LARGE1: variants seen among roughly 807,000 people sequenced by gnomAD.
The protein encoded by LARGE1 is xylosyl- and glucuronyltransferase LARGE1.
Under a neutral mutation model 87.6 loss-of-function variants are expected in LARGE1, and 43 were observed. The observed-to-expected ratio is 0.49, with a 90% confidence interval of 0.38 to 0.63. The LOEUF (loss-of-function observed/expected upper bound fraction) is 0.63, where lower values mean the gene tolerates loss of function less well. LARGE1 is among the 30% of genes least tolerant of loss of function. The pLI is 0.00. For missense variants in LARGE1, 802 were observed against 1,000.2 expected, an observed-to-expected ratio of 0.80 and a Z score of 2.67; for synonymous variants, 434 against 394.6, an observed-to-expected ratio of 1.10 and a Z score of -1.18.
intron 6 of LARGE1, among the ~76,000 whole-genome samples, chr22:33,544,169 G>A (rs746663531): frequency 6.6e-6 from 1 of 152,128 alleles, no homozygotes. Flanking sequence ...TTTGAGCCTG[G>A]TTTCCTCTGG....
At chr22:33,470,508 C>T (rs2068783588) in intron 6 of LARGE1, among the ~76,000 whole-genome samples, 2 of 152,134 alleles carry the variant, frequency 1.3e-5, no homozygotes, top group African/African-American at 4.8e-5. Context: ...GAATCTATTC[C>T]TTTTGCTCCA....
rs914184283 is a variant in LARGE1 at position 33,186,052 on chromosome 22, C to T, written c.1731-19220G>A. 6.6e-5 allele frequency among the ~76,000 whole-genome samples: 10 copies of T among 152,002 alleles called. No individual in the cohort carries two copies. In the East Asian group the frequency reaches 1.9e-3, roughly 29 times the overall value. Reference sequence around the variant, plus strand: ...TTAAAAAGTTCTTTATAATAAAAACCTACAAAAAAATTCTAGGCATAGTTT... The same window carrying T: ...TTAAAAAGTTCTTTATAATAAAAACTTACAAAAAAATTCTAGGCATAGTTT... On this transcript the variant is annotated intron_variant, in intron 11 of 11. Coordinates refer to the LARGE1 transcript ENST00000608642.
intron 9 of LARGE1, among the ~76,000 whole-genome samples, chr22:33,356,781 G>GA (rs2146831014): frequency 6.6e-6 from 1 of 151,632 alleles, no homozygotes; most frequent in Non-Finnish European, 1.5e-5. Context: ...AAAAGAAAAA[G>GA]AAAAAAAGAA....
intron 1 of LARGE1, among the ~76,000 whole-genome samples, chr22:33,790,455 G>C (rs1449061763): frequency 3.1e-4 from 47 of 152,108 alleles, no homozygotes; most frequent in Admixed American, 3.0e-3. Flanking sequence ...CAAGGATACA[G>C]CAGGAATTTA....
chr22:33,721,933 C>T (rs2083110552), intron 2 of LARGE1, among the ~76,000 whole-genome samples: 1 of 152,118 alleles, frequency 6.6e-6, no homozygotes, highest in Non-Finnish European at 1.5e-5. Context: ...GCAGTCACAG[C>T]CACAATGGAG....
chr22:33,115,774 A>G, the LARGE1 span, among the ~76,000 whole-genome samples: 22 of 143,386 alleles, frequency 1.5e-4, no homozygotes, highest in East Asian at 4.3e-3. Flanking sequence ...CCAACATTGC[A>G]CCACTGCACT....
intron 7 of LARGE1, among the ~76,000 whole-genome samples, chr22:33,423,463 G>T (rs1269973761): frequency 6.6e-6 from 1 of 151,658 alleles, no homozygotes; most frequent in Non-Finnish European, 1.5e-5. Flanking sequence ...GATCACTTGA[G>T]GTCAGGAGTA....
At chr22:33,299,752 T>C (rs572192549) in intron 12 of LARGE1, among the ~76,000 whole-genome samples, 22 of 152,276 alleles carry the variant, frequency 1.4e-4, no homozygotes, top group African/African-American at 5.1e-4. Flanking sequence ...ACACACTTGA[T>C]TAGTGTTGTG....
At chr22:33,884,230 G>C (rs1490791318) in intron 1 of LARGE1, among the ~76,000 whole-genome samples, 3 of 152,200 alleles carry the variant, frequency 2.0e-5, no homozygotes, top group Admixed American at 6.5e-5. Flanking sequence ...CTTCCTCTGT[G>C]TACGAATCAT....
chr22:33,816,663 C>CATGG (rs1390587701), intron 1 of LARGE1, among the ~76,000 whole-genome samples: 1 of 71,206 alleles, frequency 1.4e-5, no homozygotes, highest in African/African-American at 4.3e-5. Context: ...CAGACGGATG[C>CATGG]ACGGATGGAT....
intron 3 of LARGE1, among the ~76,000 whole-genome samples, chr22:33,632,227 A>G (rs774394936): frequency 5.9e-5 from 9 of 152,112 alleles, no homozygotes; most frequent in South Asian, 4.1e-4. Context: ...GGTTCAAGCG[A>G]TTCTCTTGCC....
rs765959767 is a variant in LARGE1 at position 33,496,204 on chromosome 22, G to C, written c.788-63939C>G. Reference sequence around the variant, plus strand: ...TCTTCTGCCTGCTTTTATTCCGGCCGTGCTGGCAGCTGATTAGATTGTCCC... The same window carrying C: ...TCTTCTGCCTGCTTTTATTCCGGCCCTGCTGGCAGCTGATTAGATTGTCCC... On this transcript the variant is annotated intron_variant, in intron 6 of 14. Transcript: ENST00000397394. Among the ~76,000 whole-genome samples the C allele has an allele frequency of 7.2e-5, 11 of 152,170 alleles. 1 individual carries two copies. In the South Asian group the frequency reaches 1.9e-3, roughly 26 times the overall value.
intron 6 of LARGE1, among the ~76,000 whole-genome samples, chr22:33,504,709 C>A (rs527625452): frequency 6.6e-6 from 1 of 152,046 alleles, no homozygotes; most frequent in East Asian, 1.9e-4. Context: ...GTTCAAGATG[C>A]GTAACACCAA....
chr22:33,770,301 A>G (rs1359232159), intron 1 of LARGE1, among the ~76,000 whole-genome samples: 1 of 152,272 alleles, frequency 6.6e-6, no homozygotes, highest in Non-Finnish European at 1.5e-5. Flanking sequence ...ATTATTTATG[A>G]AAGTCATCAG....
intron 12 of LARGE1, among the ~76,000 whole-genome samples, chr22:33,300,128 C>T (rs1222771367): frequency 1.3e-5 from 2 of 152,158 alleles, no homozygotes; most frequent in Admixed American, 6.5e-5. Flanking sequence ...CTCTGGTACC[C>T]TGGGGGTTTG....
At chr22:33,668,457 G>C (rs1416564924) in intron 2 of LARGE1, among the ~76,000 whole-genome samples, 1 of 152,216 alleles carries the variant, frequency 6.6e-6, no homozygotes, top group Non-Finnish European at 1.5e-5. Context: ...CTAAGTATGA[G>C]ATAAGGGCTT....
the LARGE1 span, among the ~76,000 whole-genome samples, chr22:33,125,080 C>T: frequency 9.6e-3 from 1,464 of 152,212 alleles, 19 homozygotes; most frequent in African/African-American, 0.031. Flanking sequence ...TGGGTATTGC[C>T]GTGGCAAAGG....
chr22:33,223,185 C>T (rs534015947), intron 11 of LARGE1, among the ~76,000 whole-genome samples: 6 of 152,182 alleles, frequency 3.9e-5, no homozygotes, highest in Non-Finnish European at 7.3e-5. Flanking sequence ...GATTCTTTGG[C>T]CTCTCAGGTG....
intron 2 of LARGE1, among the ~76,000 whole-genome samples, chr22:33,665,709 G>A (rs1603052680): frequency 6.6e-6 from 1 of 152,042 alleles, no homozygotes; most frequent in Non-Finnish European, 1.5e-5. Context: ...TGGCTAACAC[G>A]GCGAAATCTC....
Sources: allele counts gnomAD v4.1 joint callset (sites outside exome capture counted in the v4.1 genomes callset), GRCh38; gene constraint gnomAD v4.1.1; transcripts MANE v1.5; gene names NCBI Gene and HGNC (gene_info 2026-07-23, HGNC 2026-07-21).